Variants in GRID2 observed in about 807,000 individuals in gnomAD.
GRID2 encodes the protein glutamate ionotropic receptor delta type subunit 2.
GRID2 carries 33 observed loss-of-function variants against 114.8 expected under a neutral mutation model. That is an observed-to-expected ratio of 0.29 (90% CI 0.22 to 0.38). The LOEUF (loss-of-function observed/expected upper bound fraction) is 0.38. GRID2 is among the 10% of genes least tolerant of loss of function. The pLI, the probability that GRID2 is intolerant of heterozygous loss-of-function variation, is 1.00. For synonymous variants in GRID2, 505 were observed against 449.9 expected, an observed-to-expected ratio of 1.12 and a Z score of -1.55; for missense variants, 1,184 against 1,257.7, an observed-to-expected ratio of 0.94 and a Z score of 0.89.
intron 2 of GRID2, among the ~76,000 whole-genome samples, chr4:93,080,476 T>A (rs374385428): frequency 1.3e-5 from 2 of 152,272 alleles, no homozygotes; most frequent in East Asian, 3.9e-4. Context: ...TCAGAAAGGG[T>A]TACACATCAG....
chr4:92,865,454 A>C (rs1744793043), intron 2 of GRID2, among the ~76,000 whole-genome samples: 1 of 152,224 alleles, frequency 6.6e-6, no homozygotes, highest in Non-Finnish European at 1.5e-5. Context: ...TGAAGGAAAA[A>C]TGTGAAAATT....
chr4:93,133,163 C>T (rs1255688522), intron 4 of GRID2, among the ~76,000 whole-genome samples: 2 of 151,710 alleles, frequency 1.3e-5, no homozygotes, highest in African/African-American at 4.8e-5. Flanking sequence ...CTCTCTCGGT[C>T]TCTCTCTCTC....
rs1434540420 is a variant in GRID2 at position 92,906,456 on chromosome 4, G to A, written c.245-178539G>A. Among the ~76,000 whole-genome samples, 4 of 129,150 alleles carry A rather than the reference G, an allele frequency of 3.1e-5. No individual in the cohort carries two copies. In the East Asian group the frequency reaches 6.8e-4, roughly 22 times the overall value. The allele number at this position is 129,150 out of a possible 152,430, so 84.7% of individuals were successfully genotyped here. On this transcript the variant is annotated intron_variant, in intron 2 of 15. Coordinates refer to ENST00000282020, the MANE Select transcript of GRID2 (RefSeq NM_001510.4). ...GAGAGCTGAATTTTAGCACTTTGGT[G>A]GAAGCAGCTTTCATGCCCCTCAGGC...
chr4:93,406,328 G>A (rs1579975931), intron 9 of GRID2, among the ~76,000 whole-genome samples: 1 of 152,162 alleles, frequency 6.6e-6, no homozygotes, highest in Non-Finnish European at 1.5e-5. Context: ...TTTCCATACT[G>A]GAGACATGAA....
Position 93,093,542 on chromosome 4 carries a change from A to G in GRID2, c.529+8263A>G, listed in dbSNP as rs546600163. On this transcript the variant is annotated intron_variant, in intron 3 of 15. Coordinates refer to ENST00000282020, the MANE Select transcript of GRID2 (RefSeq NM_001510.4). Reference sequence around the variant, plus strand: ...GTAGGAAATTAGAAGCATATAACACATGAATTCCAATTATATACTCAATGT... The same window carrying G: ...GTAGGAAATTAGAAGCATATAACACGTGAATTCCAATTATATACTCAATGT... Among the ~76,000 whole-genome samples, 7 of 152,188 alleles carry G rather than the reference A, an allele frequency of 4.6e-5. No homozygotes were observed. The South Asian group carries it at 1.2e-3, about 27-fold the overall frequency.
intron 14 of GRID2, 148 bp from the exon 15 acceptor site, chr4:93,769,062 T>C (rs1485542911): frequency 2.3e-5 from 16 of 710,058 alleles, no homozygotes; most frequent in Non-Finnish European, 3.6e-5. Context: ...TTCTGTTTCC[T>C]AGCATTCCAT....
At chr4:93,439,821 G>C (rs1324078548) in intron 10 of GRID2, among the ~76,000 whole-genome samples, 1 of 152,030 alleles carries the variant, frequency 6.6e-6, no homozygotes, top group South Asian at 2.1e-4. Context: ...ACACTGGAGA[G>C]GGGCATGCCA....
chr4:93,172,540 C>T (rs1274302785), intron 4 of GRID2, among the ~76,000 whole-genome samples: 3 of 151,364 alleles, frequency 2.0e-5, no homozygotes, highest in Non-Finnish European at 4.4e-5. Flanking sequence ...TGCAGTGAGC[C>T]GAGATCCAGC....
At chr4:93,649,472 A>T (rs931849487) in intron 14 of GRID2, among the ~76,000 whole-genome samples, 4 of 152,142 alleles carry the variant, frequency 2.6e-5, no homozygotes, top group Non-Finnish European at 4.4e-5. Context: ...TTTGGTTTTC[A>T]TGGAGGGTGA....
At chr4:93,648,439 T>A (rs988722828) in intron 14 of GRID2, among the ~76,000 whole-genome samples, 3 of 152,206 alleles carry the variant, frequency 2.0e-5, no homozygotes, top group African/African-American at 7.2e-5. Flanking sequence ...ACATGCCTTA[T>A]AAGTAATGAC....
chr4:92,827,689 G>A (rs533175421), intron 2 of GRID2, among the ~76,000 whole-genome samples: 11 of 152,052 alleles, frequency 7.2e-5, no homozygotes, highest in African/African-American at 2.7e-4. Flanking sequence ...CCTTAAGAGG[G>A]TACAAAGCAG....
intron 2 of GRID2, among the ~76,000 whole-genome samples, chr4:92,642,373 G>T (rs62309175): frequency 0.056 from 8,488 of 151,630 alleles, 327 homozygotes; most frequent in East Asian, 0.16. Context: ...GGTTTTGATT[G>T]GCATTTCTCT....
intron 2 of GRID2, among the ~76,000 whole-genome samples, chr4:92,644,894 T>C (rs1459695889): frequency 6.6e-6 from 1 of 151,522 alleles, no homozygotes; most frequent in Non-Finnish European, 1.5e-5. Context: ...AGATATGTTA[T>C]GTAATTATTT....
chr4:93,582,931 G>C (rs1379712631), intron 13 of GRID2, among the ~76,000 whole-genome samples: 2 of 152,106 alleles, frequency 1.3e-5, no homozygotes, highest in African/African-American at 2.4e-5. Context: ...CAAAGTTCTG[G>C]AGGCTAGAAA....
chr4:93,174,709 G>A (rs1004305956), intron 4 of GRID2, among the ~76,000 whole-genome samples: 2 of 152,060 alleles, frequency 1.3e-5, no homozygotes, highest in African/African-American at 4.8e-5. Flanking sequence ...AGCCCTCACC[G>A]GAAACTAATT....
intron 1 of GRID2, among the ~76,000 whole-genome samples, chr4:92,452,269 C>A (rs1720965415): frequency 6.6e-6 from 1 of 151,356 alleles, no homozygotes; most frequent in Non-Finnish European, 1.5e-5. Flanking sequence ...TCAACATTGC[C>A]TTTCTGTCAT....
intron 1 of GRID2, among the ~76,000 whole-genome samples, chr4:92,490,372 C>T (rs1235817207): frequency 6.6e-6 from 1 of 152,070 alleles, no homozygotes; most frequent in African/African-American, 2.4e-5. Flanking sequence ...TTCTTATGTG[C>T]TTGTAATTTT....
intron 1 of GRID2, among the ~76,000 whole-genome samples, chr4:92,477,181 G>T (rs1722362254): frequency 2.0e-5 from 3 of 151,328 alleles, no homozygotes; most frequent in Admixed American, 2.0e-4. Flanking sequence ...AGCAGTGCAG[G>T]CACTTGAAAA....
chr4:93,518,487 G>C (rs891138023), intron 13 of GRID2, among the ~76,000 whole-genome samples: 1 of 151,898 alleles, frequency 6.6e-6, no homozygotes, highest in Admixed American at 6.6e-5. Flanking sequence ...ATTATTTATT[G>C]AGCACCTTCT....
Sources: allele counts gnomAD v4.1 joint callset (sites outside exome capture counted in the v4.1 genomes callset), GRCh38; gene constraint gnomAD v4.1.1; transcripts MANE v1.5; gene names NCBI Gene and HGNC (gene_info 2026-07-23, HGNC 2026-07-21).